ERI1: variants seen among roughly 807,000 people sequenced by gnomAD.
The protein encoded by ERI1 is 3'-5' exoribonuclease 1.
Under a neutral mutation model 39.7 loss-of-function variants are expected in ERI1, and 39 were observed. The observed-to-expected ratio is 0.98, with a 90% CI of 0.76 to 1.28. The LOEUF (loss-of-function observed/expected upper bound fraction) is 1.28. Ranked by LOEUF, ERI1 falls within the 50% of genes most tolerant of loss-of-function variation. The pLI is 0.00. For synonymous variants in ERI1, 204 were observed against 149.6 expected, an observed-to-expected ratio of 1.36 and a Z score of -2.65; for missense variants, 581 against 416.9, an observed-to-expected ratio of 1.39 and a Z score of -3.43.
At chr8:9,037,475 GATTCA>G (rs1243154884), downstream of ERI1, among the ~76,000 whole-genome samples, 4 of 151,110 alleles carry the variant, frequency 2.6e-5, no homozygotes, top group Admixed American at 2.6e-4. Flanking sequence ...GTGCTGCAGA[GATTCA>G]TATGTACTGT....
At position 9,007,949 on chromosome 8, in the gene ERI1, T is replaced by C. The variant is rs1226366227; in HGVS notation, c.109-21T>C. The C allele has an allele frequency of 7.9e-6, 11 of 1,393,040 alleles. No homozygotes were observed. In the African/African-American group the frequency reaches 1.6e-4, roughly 20 times the overall value. The allele number at this position is 1,393,040 out of a possible 1,614,324, so 86.3% of individuals were successfully genotyped here. A position where few individuals can be genotyped will look rare whatever the true frequency, so the allele number is the denominator to read the frequency against. On this transcript the variant is annotated intron_variant, in intron 1 of 6. Coordinates refer to ENST00000250263, the MANE Select transcript of ERI1 (RefSeq NM_153332.4). ...TAAACTACATCCTTTTTTTTTTTTT[T>C]TTTTTTTTTTTTTTTGGTAGGAAAC...
intron 1 of ERI1, among the ~76,000 whole-genome samples, chr8:9,004,935 A>C (rs1815823269): frequency 6.6e-6 from 1 of 151,828 alleles, no homozygotes; most frequent in Non-Finnish European, 1.5e-5. Context: ...TGATCCGCCC[A>C]CCTCGGCCTC....
chr8:9,011,306 C>A (rs958280360), intron 2 of ERI1, among the ~76,000 whole-genome samples: 1 of 152,052 alleles, frequency 6.6e-6, no homozygotes, highest in East Asian at 1.9e-4. Context: ...CTGTTATATA[C>A]TACTAAAATA....
At chr8:9,022,709 T>C (rs1818046713) in intron 6 of ERI1, among the ~76,000 whole-genome samples, 1 of 152,166 alleles carries the variant, frequency 6.6e-6, no homozygotes, top group South Asian at 2.1e-4. Context: ...CTTTTGTGGA[T>C]CTTTTTTTGT....
At chr8:9,040,004 A>G (rs904812931) in intron 3 of ERI1, among the ~76,000 whole-genome samples, 1 of 152,194 alleles carries the variant, frequency 6.6e-6, no homozygotes, top group African/African-American at 2.4e-5. Context: ...CAGCATCACT[A>G]AACTCTTTTT....
At chr8:9,089,791 T>C (rs1456505713) in intron 3 of ERI1, among the ~76,000 whole-genome samples, 2 of 152,252 alleles carry the variant, frequency 1.3e-5, no homozygotes, top group East Asian at 3.9e-4. Flanking sequence ...AGGGATTAGG[T>C]GGCAGAGTCC....
chr8:9,032,861 C>T lies in ERI1; in HGVS notation c.*2827C>T, dbSNP rs184125146. 6.6e-6 allele frequency: 1 copy of T among 152,272 alleles called. No homozygotes were observed. The highest frequency in any genetic ancestry group is 1.5e-5 in the Non-Finnish European group (1 of 68,032). 9.4% of individuals were successfully genotyped at this position (152,272 alleles called of 1,614,324 possible). On this transcript the variant is annotated 3_prime_UTR_variant, in exon 7 of 7. Coordinates refer to ENST00000250263, the MANE Select transcript of ERI1 (RefSeq NM_153332.4). Reference sequence around the variant, plus strand: ...ACTACCTGCCTCACAGATGAGCACGCACGGGTGCATTGTCAAAGTCTGAGA... The same window carrying T: ...ACTACCTGCCTCACAGATGAGCACGTACGGGTGCATTGTCAAAGTCTGAGA...
intron 3 of ERI1, among the ~76,000 whole-genome samples, chr8:9,051,932 G>T (rs889809761): frequency 1.3e-5 from 2 of 152,228 alleles, no homozygotes; most frequent in Non-Finnish European, 2.9e-5. Context: ...AGTGAGTATG[G>T]TGTAAGGATT....
chr8:9,089,915 A>G (rs917427914), intron 3 of ERI1, among the ~76,000 whole-genome samples: 9 of 151,688 alleles, frequency 5.9e-5, no homozygotes, highest in African/African-American at 2.2e-4. Flanking sequence ...GAACAATGAG[A>G]CAGATTCCCT....
At chr8:9,047,360 C>T (rs1283317891) in intron 3 of ERI1, among the ~76,000 whole-genome samples, 2 of 152,160 alleles carry the variant, frequency 1.3e-5, no homozygotes, top group African/African-American at 2.4e-5. Flanking sequence ...CTTCTCTGCT[C>T]ACTTCTGTGG....
Position 9,011,688 on chromosome 8 carries a change from C to T in ERI1, c.434C>T (p.Pro145Leu), listed in dbSNP as rs1217629171. ...FEATCEEGNP[P>L]EFVHEIIEFP... Reference sequence around the variant, plus strand: ...GCCACTTGTGAAGAAGGAAACCCACCTGAGTTTGTACATGAAATAATTGAA... The same window carrying T: ...GCCACTTGTGAAGAAGGAAACCCACTTGAGTTTGTACATGAAATAATTGAA... Residue 145 changes from proline (P) to leucine (L), a missense_variant, in exon 3 of 7, where the codon CCT (proline) becomes CTT (leucine). By Grantham distance (98) the Pro-to-Leu change is moderately conservative. Coordinates refer to ENST00000250263, the MANE Select transcript of ERI1 (RefSeq NM_153332.4). 1 of 1,613,294 alleles carries T rather than the reference C, an allele frequency of 6.2e-7. No individual in the cohort carries two copies. The highest frequency in any genetic ancestry group is 8.5e-7 in the Non-Finnish European group (1 of 1,179,450).
intron 5 of ERI1, among the ~76,000 whole-genome samples, chr8:9,018,746 T>A (rs1056596101): frequency 5.3e-5 from 8 of 152,222 alleles, no homozygotes; most frequent in Non-Finnish European, 8.8e-5. Flanking sequence ...CGCTACCTGT[T>A]TAATCTAATT....
chr8:9,004,389 T>G, intron 1 of ERI1: 2 of 704,216 alleles, frequency 2.8e-6, no homozygotes, highest in Non-Finnish European at 3.7e-6. Flanking sequence ...CTTGACACTT[T>G]TACAGCTACT....
At chr8:9,019,327 A>G (rs1357947126) in intron 5 of ERI1, among the ~76,000 whole-genome samples, 1 of 152,236 alleles carries the variant, frequency 6.6e-6, no homozygotes, top group East Asian at 1.9e-4. Flanking sequence ...AGATCCTCAC[A>G]TGTGATAGGA....
chr8:9,033,045 G>A lies in ERI1; in HGVS notation c.*3011G>A, dbSNP rs1797700110. On this transcript the variant is annotated 3_prime_UTR_variant, in exon 7 of 7. Coordinates refer to ENST00000250263, the MANE Select transcript of ERI1 (RefSeq NM_153332.4). ...GTTGAATCCAGCGTTGATACATGAA[G>A]GACAGCATTACATCTTTTTTCTATT... 1 of 152,124 alleles carries A rather than the reference G, an allele frequency of 6.6e-6. No individual in the cohort carries two copies. Among genetic ancestry groups the A allele is most frequent in the African/African-American group, 2.4e-5 (1 of 41,416 alleles). 9.4% of individuals were successfully genotyped at this position (152,124 alleles called of 1,614,324 possible).
intron 3 of ERI1, among the ~76,000 whole-genome samples, chr8:9,045,598 A>G (rs1398258487): frequency 2.6e-5 from 4 of 152,010 alleles, no homozygotes; most frequent in Admixed American, 2.0e-4. Context: ...GGAATTTGAG[A>G]TCAGCCTGGG....
At chr8:9,098,851 T>C (rs550449490) in intron 3 of ERI1, among the ~76,000 whole-genome samples, 1 of 152,264 alleles carries the variant, frequency 6.6e-6, no homozygotes, top group South Asian at 2.1e-4. Flanking sequence ...TGTTTGTTTG[T>C]TTCAGACAGG....
intron 6 of ERI1, among the ~76,000 whole-genome samples, chr8:9,026,130 G>A (rs577410615): frequency 6.6e-6 from 1 of 152,176 alleles, no homozygotes; most frequent in Non-Finnish European, 1.5e-5. Context: ...ACCATCACAT[G>A]AGGTGTGTAA....
At chr8:9,036,714 A>T (rs530735886), downstream of ERI1, among the ~76,000 whole-genome samples, 1 of 152,222 alleles carries the variant, frequency 6.6e-6, no homozygotes, top group African/African-American at 2.4e-5. Context: ...ATTGAGTAAA[A>T]GAACAAAAGA....
Sources: gnomAD v4.1 joint callset for allele counts (sites outside exome capture counted in the v4.1 genomes callset) on GRCh38, gnomAD v4.1.1 for gene constraint, MANE v1.5 for transcripts, NCBI Gene and HGNC (gene_info 2026-07-23, HGNC 2026-07-21) for gene names.